PDE4D: variants seen among roughly 807,000 people sequenced by gnomAD.
PDE4D encodes the protein phosphodiesterase 4D.
A neutral mutation model predicts 87.4 loss-of-function variants in PDE4D; 24 were observed. The observed-to-expected ratio is 0.27, with a 90% CI of 0.20 to 0.39. The LOEUF is 0.39. Among genes scored for constraint, PDE4D ranks in the 10% least tolerant of loss-of-function variants. PDE4D has a pLI of 1.00. For synonymous variants in PDE4D, 384 were observed against 383.2 expected, an observed-to-expected ratio of 1.00 and a Z score of -0.02; for missense variants, 714 against 1,041.0, an observed-to-expected ratio of 0.69 and a Z score of 4.32.
chr5:59,612,771 T>C (rs1262786613), intron 1 of PDE4D, among the ~76,000 whole-genome samples: 1 of 151,946 alleles, frequency 6.6e-6, no homozygotes, highest in African/African-American at 2.4e-5. Context: ...AAGAAAACAA[T>C]GGCATATCAG....
At chr5:59,727,408 A>T (rs1421474844) in intron 1 of PDE4D, among the ~76,000 whole-genome samples, 3 of 152,136 alleles carry the variant, frequency 2.0e-5, no homozygotes, top group African/African-American at 4.8e-5. Flanking sequence ...GGGCTGGTTT[A>T]TCCACGCATT....
At chr5:59,426,585 A>C (rs1795250772) in intron 1 of PDE4D, among the ~76,000 whole-genome samples, 1 of 151,484 alleles carries the variant, frequency 6.6e-6, no homozygotes, top group African/African-American at 2.4e-5. Context: ...CACTCCCACA[A>C]GCACCCCCCT....
intron 1 of PDE4D, among the ~76,000 whole-genome samples, chr5:59,809,047 G>A (rs1219093863): frequency 1.3e-5 from 2 of 152,190 alleles, no homozygotes; most frequent in East Asian, 1.9e-4. Context: ...TCACTACCCC[G>A]TAATTTAAAA....
At chr5:60,029,599 G>C (rs1767001967) in intron 2 of PDE4D, among the ~76,000 whole-genome samples, 1 of 152,108 alleles carries the variant, frequency 6.6e-6, no homozygotes, top group Non-Finnish European at 1.5e-5. Context: ...GGCTGTTAGG[G>C]GTGCACATCC....
intron 1 of PDE4D, among the ~76,000 whole-genome samples, chr5:60,366,796 CT>C (rs1336700789): frequency 6.6e-6 from 1 of 152,216 alleles, no homozygotes; most frequent in Non-Finnish European, 1.5e-5. Flanking sequence ...AGAATTTAAA[CT>C]TCATGCAAAT....
chr5:59,603,384 A>T (rs1380092934), intron 1 of PDE4D, among the ~76,000 whole-genome samples: 2 of 152,068 alleles, frequency 1.3e-5, no homozygotes, highest in Non-Finnish European at 2.9e-5. Flanking sequence ...GCCAACAGAC[A>T]TATGAAAAAC....
intron 2 of PDE4D, among the ~76,000 whole-genome samples, chr5:60,062,940 G>A (rs1431630243): frequency 6.6e-6 from 1 of 151,784 alleles, no homozygotes; most frequent in Non-Finnish European, 1.5e-5. Flanking sequence ...AGGGGAGGGA[G>A]AGCATCAAGA....
At chr5:59,320,834 C>T (rs1012488491) in intron 1 of PDE4D, among the ~76,000 whole-genome samples, 4 of 151,914 alleles carry the variant, frequency 2.6e-5, no homozygotes, top group Non-Finnish European at 4.4e-5. Context: ...TCCTTCTTTC[C>T]TTCTCATTAT....
chr5:59,346,693 C>T (rs1000940575), intron 1 of PDE4D, among the ~76,000 whole-genome samples: 3 of 152,074 alleles, frequency 2.0e-5, no homozygotes, highest in Non-Finnish European at 2.9e-5. Context: ...TGCACAAAGC[C>T]GTCCTTGTCA....
At chr5:59,251,500 G>C (rs1463472824) in intron 1 of PDE4D, among the ~76,000 whole-genome samples, 1 of 152,072 alleles carries the variant, frequency 6.6e-6, no homozygotes, top group African/African-American at 2.4e-5. Context: ...CAGTCATAAT[G>C]GCTATTATTA....
At chr5:59,370,673 AC>A (rs1783801736) in intron 1 of PDE4D, among the ~76,000 whole-genome samples, 1 of 152,134 alleles carries the variant, frequency 6.6e-6, no homozygotes, top group African/African-American at 2.4e-5. Flanking sequence ...TATCCTCCCC[AC>A]AAAAAATTAA....
At chr5:59,788,821 C>T (rs1186843010) in intron 1 of PDE4D, among the ~76,000 whole-genome samples, 1 of 152,046 alleles carries the variant, frequency 6.6e-6, no homozygotes, top group African/African-American at 2.4e-5. Context: ...AAAGTCCTGG[C>T]AAAATTTAAA....
At chr5:60,498,948 C>G (rs1199925752) in intron 1 of PDE4D, among the ~76,000 whole-genome samples, 2 of 152,200 alleles carry the variant, frequency 1.3e-5, no homozygotes, top group African/African-American at 4.8e-5. Context: ...CACATTCATT[C>G]CACCTAGGTG....
chr5:59,618,297 T>C (rs1829949279), intron 1 of PDE4D, among the ~76,000 whole-genome samples: 1 of 152,056 alleles, frequency 6.6e-6, no homozygotes, highest in South Asian at 2.1e-4. Flanking sequence ...AGGAGTTACC[T>C]TGACAGGAAT....
chr5:59,196,587 A>C (rs952553929), intron 2 of PDE4D, among the ~76,000 whole-genome samples: 1 of 152,218 alleles, frequency 6.6e-6, no homozygotes, highest in African/African-American at 2.4e-5. Context: ...CCAGTGTTTA[A>C]AAAGCATGAA....
At chr5:59,724,088 G>T (rs1310119768) in intron 1 of PDE4D, among the ~76,000 whole-genome samples, 1 of 152,028 alleles carries the variant, frequency 6.6e-6, no homozygotes, top group Admixed American at 6.5e-5. Context: ...GATTTTACTT[G>T]GTCCTTCTAG....
chr5:59,542,730 A>G (rs938777275), intron 1 of PDE4D, among the ~76,000 whole-genome samples: 5 of 152,162 alleles, frequency 3.3e-5, no homozygotes, highest in Non-Finnish European at 7.4e-5. Flanking sequence ...CATATAATCA[A>G]TTCATAGAAG....
At chr5:59,519,020 T>C (rs963489108) in intron 1 of PDE4D, among the ~76,000 whole-genome samples, 3 of 152,204 alleles carry the variant, frequency 2.0e-5, no homozygotes, top group Non-Finnish European at 4.4e-5. Flanking sequence ...GTTAGAGACT[T>C]AGTAAAGCCA....
At chr5:59,777,127 GTTC>G (rs984576242) in intron 1 of PDE4D, among the ~76,000 whole-genome samples, 6 of 152,124 alleles carry the variant, frequency 3.9e-5, no homozygotes, top group African/African-American at 7.2e-5. Context: ...TCTGGAGTGC[GTTC>G]TTTTTTCTTT....
Sources: allele counts gnomAD v4.1 joint callset (sites outside exome capture counted in the v4.1 genomes callset), GRCh38; gene constraint gnomAD v4.1.1; transcripts MANE v1.5; gene names NCBI Gene and HGNC (gene_info 2026-07-23, HGNC 2026-07-21).